UNC5B: variants seen among roughly 807,000 people sequenced by gnomAD.
UNC5B encodes netrin receptor UNC5B.
A neutral mutation model predicts 103.7 loss-of-function variants in UNC5B; 56 were observed. That is an observed-to-expected ratio of 0.54 (90% CI 0.44 to 0.67). The LOEUF (loss-of-function observed/expected upper bound fraction) is 0.67. UNC5B is among the 30% of genes least tolerant of loss of function. UNC5B has a pLI of 0.00. For missense variants in UNC5B, 1,194 were observed against 1,284.5 expected, an observed-to-expected ratio of 0.93 and a Z score of 1.08; for synonymous variants, 577 against 542.0, an observed-to-expected ratio of 1.06 and a Z score of -0.90.
At chr10:71,234,335 G>T (rs1037160165) in intron 1 of UNC5B, among the ~76,000 whole-genome samples, 1 of 152,176 alleles carries the variant, frequency 6.6e-6, no homozygotes, top group Non-Finnish European at 1.5e-5. Context: ...TTCAGGCCTG[G>T]CCCAGAGAAG....
At chr10:71,221,195 CT>C (rs1843445429) in intron 1 of UNC5B, among the ~76,000 whole-genome samples, 1 of 152,176 alleles carries the variant, frequency 6.6e-6, no homozygotes, top group Non-Finnish European at 1.5e-5. Context: ...AACTCGGTCC[CT>C]TTTTCCTGCT....
At chr10:71,256,606 G>C (rs570040426) in intron 1 of UNC5B, among the ~76,000 whole-genome samples, 2 of 152,214 alleles carry the variant, frequency 1.3e-5, no homozygotes, top group Non-Finnish European at 1.5e-5. Flanking sequence ...GGACTCGGGC[G>C]TGCAGAGGGT....
chr10:71,295,706 C>T, intron 13 of UNC5B, 105 bp from the exon 14 acceptor site: 6 of 1,393,102 alleles, frequency 4.3e-6, no homozygotes, highest in Non-Finnish European at 4.9e-6. Context: ...AAATGCCCAG[C>T]CATGCACTCA....
In UNC5B at chr10:71,299,401, C is replaced by A; in HGVS notation, c.*124C>A. On this transcript the variant is annotated 3_prime_UTR_variant, in exon 17 of 17. Transcript: ENST00000335350. ...CAGTTCACAGCCAGAGTTGCCTCTC[C>A]TCCTCCTCTTCCCCAACCCCCAGAC... 8.1e-7 allele frequency: 1 copy of A among 1,230,266 alleles called. No individual in the cohort carries two copies. The highest frequency in any genetic ancestry group is 2.4e-5 in the East Asian group (1 of 42,188). 76.2% of individuals were successfully genotyped at this position (1,230,266 alleles called of 1,614,324 possible).
At chr10:71,237,175 G>A (rs1253131882) in intron 1 of UNC5B, among the ~76,000 whole-genome samples, 1 of 152,196 alleles carries the variant, frequency 6.6e-6, no homozygotes, top group Non-Finnish European at 1.5e-5. Context: ...CCACTCTGGG[G>A]ACCAAGTGCA....
At position 71,291,581 on chromosome 10, in the gene UNC5B, G is replaced by C. The variant is rs374157238; in HGVS notation, c.1444G>C (p.Val482Leu). 1.2e-6 allele frequency: 2 copies of C among 1,614,004 alleles called. No homozygotes were observed. The highest frequency in any genetic ancestry group is 2.7e-5 in the African/African-American group (2 of 74,912). ...GCTGGACCCCTTACCCAGCCTTAAG[G>C]TCAAGGTCTACAGCTCCAGCACCAC... ...PLLDPLPSLK[V>L]KVYSSSTTGS... The change falls in exon 10 of 17, where the codon GTC becomes CTC. Residue 482 changes from valine to leucine, a missense_variant. By Grantham distance (32) the Val-to-Leu change is conservative (BLOSUM62 1). Transcript: ENST00000335350.
At chr10:71,268,227 C>T (rs1483035502) in intron 1 of UNC5B, among the ~76,000 whole-genome samples, 1 of 152,278 alleles carries the variant, frequency 6.6e-6, no homozygotes, top group Non-Finnish European at 1.5e-5. Flanking sequence ...TCTCCCTCTC[C>T]TCGTGGCACC....
chr10:71,235,341 G>T (rs1843754985), intron 1 of UNC5B, among the ~76,000 whole-genome samples: 1 of 152,204 alleles, frequency 6.6e-6, no homozygotes, highest in Non-Finnish European at 1.5e-5. Context: ...ATGGTCATTT[G>T]CTGAGCCCCC....
chr10:71,288,655 C>A lies in UNC5B; in HGVS notation c.989C>A (p.Pro330Gln). Residue 330 changes from proline to glutamine, a missense_variant, in exon 7 of 17, where the codon CCA becomes CAA. Coordinates refer to ENST00000335350, the MANE Select transcript of UNC5B (RefSeq NM_170744.5). ...HWRSRECMAP[P>Q]PQNGGRDCSG... is the part of the protein sequence containing the mutation. ...CGTAGCCGCGAGTGCATGGCGCCCC[C>A]ACCCCAGAACGGAGGCCGTGACTGC... The A allele has an allele frequency of 6.2e-7, 1 of 1,613,910 alleles. No homozygotes were observed. The highest frequency in any genetic ancestry group is 8.5e-7 in the Non-Finnish European group (1 of 1,180,012).
intron 1 of UNC5B, among the ~76,000 whole-genome samples, chr10:71,244,848 G>A (rs1843988785): frequency 6.6e-6 from 1 of 152,188 alleles, no homozygotes; most frequent in South Asian, 2.1e-4. Context: ...TTGTGTGACT[G>A]TGGGCGACCA....
intron 1 of UNC5B, among the ~76,000 whole-genome samples, chr10:71,223,864 G>A (rs565814161): frequency 3.9e-4 from 59 of 152,346 alleles, no homozygotes; most frequent in African/African-American, 1.4e-3. Context: ...TAAAGGCCAT[G>A]GCCAGATCTG....
At chr10:71,227,711 C>T (rs1291098038) in intron 1 of UNC5B, among the ~76,000 whole-genome samples, 8 of 75,952 alleles carry the variant, frequency 1.1e-4, no homozygotes, top group Non-Finnish European at 2.0e-4. Context: ...CACATATACA[C>T]ACACACACAC....
chr10:71,262,888 T>C (rs1249776256), intron 1 of UNC5B, among the ~76,000 whole-genome samples: 2 of 152,152 alleles, frequency 1.3e-5, no homozygotes, highest in African/African-American at 2.4e-5. Context: ...ACACAGTCGA[T>C]GGGGGCACAG....
In UNC5B at chr10:71,284,846, C is replaced by T; in HGVS notation, c.431C>T (p.Ala144Val). 6.2e-7 allele frequency: 1 copy of T among 1,609,200 alleles called. No homozygotes were observed. The highest frequency in any genetic ancestry group is 1.1e-5 in the South Asian group (1 of 90,580). The change falls in exon 3 of 17, where the codon GCC (alanine) becomes GTC (valine). Residue 144 changes from alanine (A) to valine (V), a missense_variant. Physicochemically the swap from Ala to Val is moderately conservative, Grantham distance 64. Coordinates refer to ENST00000335350, the MANE Select transcript of UNC5B (RefSeq NM_170744.5). ...GCGGGCACCACCAAGAGTCGCCGAG[C>T]CTACGTCCGCATCGCCTGTACGCCA... ...SSAGTTKSRR[A>V]YVRIAYLRKN...
intron 1 of UNC5B, among the ~76,000 whole-genome samples, chr10:71,226,318 G>A (rs1377643970): frequency 3.9e-5 from 6 of 152,130 alleles, no homozygotes; most frequent in Admixed American, 6.5e-5. Flanking sequence ...CAAGTGATCC[G>A]CTTGCCTCGG....
rs1450975314 is a variant in UNC5B, at chr10:71,302,257, C to T, written c.*2980C>T. 6.6e-6 allele frequency: 1 copy of T among 152,324 alleles called. No individual in the cohort carries two copies. Among genetic ancestry groups the T allele is most frequent in the Admixed American group, 6.5e-5 (1 of 15,274 alleles). The allele number at this position is 152,324 out of a possible 1,614,324, so 9.4% of individuals were successfully genotyped here. A position where few individuals can be genotyped will look rare whatever the true frequency, so the allele number is the denominator to read the frequency against. ...CTTACGCAGGTATTTCTCTCTCTCTCCTCTCTGGGGTGCGTGTGTGCGTGC... is the reference window on the plus strand; with the variant it reads ...CTTACGCAGGTATTTCTCTCTCTCTTCTCTCTGGGGTGCGTGTGTGCGTGC... On this transcript the variant is annotated 3_prime_UTR_variant, in exon 17 of 17. Coordinates refer to ENST00000335350, the MANE Select transcript of UNC5B (RefSeq NM_170744.5).
At chr10:71,226,056 T>C (rs1162396410) in intron 1 of UNC5B, among the ~76,000 whole-genome samples, 1 of 151,800 alleles carries the variant, frequency 6.6e-6, no homozygotes, top group African/African-American at 2.4e-5. Context: ...ATCATAAGCG[T>C]TTTTATTTAT....
At chr10:71,282,101 CA>C (rs1213363777) in intron 2 of UNC5B, among the ~76,000 whole-genome samples, 3 of 152,218 alleles carry the variant, frequency 2.0e-5, no homozygotes, top group African/African-American at 7.2e-5. Context: ...ACCAGGCACA[CA>C]GGCCCTGCCA....
intron 1 of UNC5B, among the ~76,000 whole-genome samples, chr10:71,245,197 C>G (rs540100780): frequency 6.6e-6 from 1 of 152,340 alleles, no homozygotes; most frequent in Admixed American, 6.5e-5. Flanking sequence ...ATAACACCAT[C>G]TCTCTGGGAG....
Sources: allele counts gnomAD v4.1 joint callset (sites outside exome capture counted in the v4.1 genomes callset), GRCh38; gene constraint gnomAD v4.1.1; transcripts MANE v1.5; gene names NCBI Gene and HGNC (gene_info 2026-07-23, HGNC 2026-07-21).